The following ECPAS variants were observed in gnomAD, a reference collection of about 807,000 sequenced individuals.
The protein encoded by ECPAS is proteasome adapter and scaffold protein ECM29.
A neutral mutation model predicts 255.1 loss-of-function variants in ECPAS; 70 were observed. The ratio of observed to expected loss-of-function variants is 0.27; its 90% CI spans 0.23 to 0.33. The LOEUF is 0.33. ECPAS is among the 10% of genes least tolerant of loss of function. The pLI is 1.00. For missense variants in ECPAS, 1,817 were observed against 2,206.4 expected (o/e 0.82, Z 3.54); for synonymous variants, 784 against 775.0 (o/e 1.01, Z -0.19).
intron 3 of ECPAS, among the ~76,000 whole-genome samples, chr9:111,444,992 C>CTTT (rs373389870): frequency 2.8e-4 from 30 of 105,584 alleles, no homozygotes; most frequent in Admixed American, 4.0e-4. Context: ...CTGCTCCTGG[C>CTTT]TTTTTTTTTT....
chr9:111,368,603 G>A (rs2098123580), intron 46 of ECPAS, among the ~76,000 whole-genome samples: 1 of 152,022 alleles, frequency 6.6e-6, no homozygotes, highest in African/African-American at 2.4e-5. Context: ...CATATGAGTG[G>A]GCCCTAATCC....
At chr9:111,454,487 G>C (rs2098264408) in intron 2 of ECPAS, among the ~76,000 whole-genome samples, 1 of 152,094 alleles carries the variant, frequency 6.6e-6, no homozygotes, top group African/African-American at 2.4e-5. Flanking sequence ...ATGGGAATGG[G>C]AAGAAAGAGC....
In ECPAS at chr9:111,372,596, G is replaced by C; in HGVS notation, c.4361C>G (p.Ala1454Gly). The C allele has an allele frequency of 6.2e-7, 1 of 1,612,366 alleles. No homozygotes were observed. The change falls in exon 42 of 50, where the codon GCT becomes GGT. Residue 1454 changes from alanine (A) to glycine (G), a missense_variant. By Grantham distance (60) the Ala-to-Gly change is moderately conservative. Around this residue, in one of 4 missense-constraint regions of ECPAS, gnomAD observed 960 missense variants for 1,179.0 expected, o/e 0.81. Coordinates refer to ENST00000684092, the MANE Select transcript of ECPAS (RefSeq NM_001364929.1). ...KEEPIYKTSCALTIHAIGRYS... is the reference protein window; with the variant it reads ...KEEPIYKTSCGLTIHAIGRYS... ...TCGTCCAATAGCATGAATAGTCAAA[G>C]CACAAGAGGTCTTGTAGATAGGTTC...
chr9:111,410,361 T>C (rs1373867511), intron 22 of ECPAS, 148 bp from the exon 23 acceptor site: 2 of 612,522 alleles, frequency 3.3e-6, no homozygotes, highest in African/African-American at 3.7e-5. Context: ...CCAACATTTA[T>C]TCAGTGGAAA....
intron 3 of ECPAS, among the ~76,000 whole-genome samples, chr9:111,445,202 C>G (rs1003280618): frequency 6.6e-6 from 1 of 151,556 alleles, no homozygotes; most frequent in Non-Finnish European, 1.5e-5. Context: ...ATCATGTTGT[C>G]CAGGCTGGTC....
At chr9:111,366,773 C>T (rs2098120854) in intron 46 of ECPAS, 146 bp from the exon 47 acceptor site, 1 of 602,156 alleles carries the variant, frequency 1.7e-6, no homozygotes, top group African/African-American at 1.9e-5. Flanking sequence ...GAGAGAAAAG[C>T]AGGAAAAAGA....
rs370295633 is a variant in ECPAS, at chr9:111,375,106, C to T, written c.4110+7G>A. On this transcript the variant is annotated splice_region_variant and intron_variant, in intron 38 of 49. Transcript: ENST00000684092. ...TGCACATTTCCTCTTGTGGAAAGTA[C>T]ACTTACCTTAGTTCCAAGACCTACA... 3.1e-6 allele frequency: 5 copies of T among 1,602,764 alleles called. No homozygotes were observed. Among genetic ancestry groups the T allele is most frequent in the South Asian group, 2.2e-5 (2 of 90,762 alleles).
At chr9:111,430,680 G>T in intron 8 of ECPAS, 52 bp from the exon 9 acceptor site, 2 of 1,229,802 alleles carry the variant, frequency 1.6e-6, no homozygotes, top group East Asian at 2.5e-5. Flanking sequence ...CCCTCCTTCA[G>T]TGATTTCAAA....
chr9:111,440,114 T>C (rs1397842726), intron 6 of ECPAS, among the ~76,000 whole-genome samples: 3 of 152,116 alleles, frequency 2.0e-5, no homozygotes, highest in African/African-American at 7.2e-5. Context: ...CGTCCCACCT[T>C]GGCCTAACAG....
chr9:111,456,797 T>A (rs139661555), intron 2 of ECPAS, among the ~76,000 whole-genome samples: 6 of 152,272 alleles, frequency 3.9e-5, no homozygotes, highest in Non-Finnish European at 7.4e-5. Context: ...CTACTGAAAC[T>A]CTACCATGCG....
At chr9:111,432,257 C>G (rs1049429828) in intron 8 of ECPAS, among the ~76,000 whole-genome samples, 1 of 152,132 alleles carries the variant, frequency 6.6e-6, no homozygotes. Flanking sequence ...TGATTCATTA[C>G]TTATTGCAAA....
rs1156508143 is a variant in ECPAS at position 111,375,184 on chromosome 9, C to T, written c.4039G>A (p.Val1347Met). The change falls in exon 38 of 50, where the codon GTG becomes ATG. Residue 1347 changes from valine to methionine, a missense_variant. By Grantham distance (21) the Val-to-Met change is conservative. Transcript: ENST00000684092. ...GGAACTAGCTCGCCCAGCACTGACA[C>T]ATCAAGGTATTGCAGGCACTTTTGA... ...TINMCLQYLD[V>M]SVLGELVPRL... The T allele has an allele frequency of 1.9e-6, 3 of 1,613,658 alleles. No homozygotes were observed. The highest frequency in any genetic ancestry group is 1.7e-5 in the Admixed American group (1 of 60,000).
chr9:111,409,877 T>C (rs1338217053), intron 23 of ECPAS, among the ~76,000 whole-genome samples, 164 bp downstream of exon 23: 4 of 152,326 alleles, frequency 2.6e-5, no homozygotes, highest in East Asian at 3.9e-4. Flanking sequence ...AGATAACCTC[T>C]AGCTCAAAAG....
chr9:111,365,754 C>T (rs1240322617), intron 48 of ECPAS: 1 of 152,934 alleles, frequency 6.5e-6, no homozygotes, highest in African/African-American at 2.4e-5. Context: ...TAAAAAACTG[C>T]ATCCATGTTT....
intron 2 of ECPAS, among the ~76,000 whole-genome samples, chr9:111,460,344 T>C (rs2098271720): frequency 2.0e-5 from 3 of 152,162 alleles, no homozygotes. Flanking sequence ...CTTAATCTGA[T>C]AAGAGATTTT....
chr9:111,465,080 G>C (rs1457416183), intron 2 of ECPAS, among the ~76,000 whole-genome samples: 5 of 152,068 alleles, frequency 3.3e-5, no homozygotes, highest in African/African-American at 1.2e-4. Context: ...GGAGGTTGTG[G>C]TGAGTCGAAA....
At position 111,403,579 on chromosome 9, in the gene ECPAS, T is replaced by C. The variant is rs144501583; in HGVS notation, c.2652+4992A>G. Among the ~76,000 whole-genome samples the C allele has an allele frequency of 2.3e-4, 35 of 149,850 alleles. 5 individuals are homozygous for C. In the East Asian group the frequency reaches 5.0e-3, roughly 22 times the overall value. The stretch of plus-strand genomic sequence containing the variant: ...AGCATATAAAGGTTATAAATATATA[T>C]GCAAACACTATTGGAGCACTCAAAC... On this transcript the variant is annotated intron_variant, in intron 24 of 49. Transcript: ENST00000684092.
intron 2 of ECPAS, among the ~76,000 whole-genome samples, chr9:111,455,318 A>T (rs2098265517): frequency 6.6e-6 from 1 of 152,132 alleles, no homozygotes; most frequent in East Asian, 1.9e-4. Context: ...CCCCATCTCT[A>T]CTAAAATTTC....
intron 24 of ECPAS, among the ~76,000 whole-genome samples, chr9:111,408,314 GAT>G (rs2098188389): frequency 1.3e-5 from 2 of 152,226 alleles, no homozygotes; most frequent in South Asian, 2.1e-4. Context: ...GGGCTATGTG[GAT>G]ATGTTTCCCC....
Sources: gnomAD v4.1 joint callset for allele counts (sites outside exome capture counted in the v4.1 genomes callset) on GRCh38, gnomAD v4.1.1 for gene constraint, gnomAD v4.1.1 regional missense constraint, MANE v1.5 for transcripts, NCBI Gene and HGNC (gene_info 2026-07-23, HGNC 2026-07-21) for gene names.